Variants in VPS13B observed in about 807,000 individuals in gnomAD.
VPS13B encodes intermembrane lipid transfer protein VPS13B.
A neutral mutation model predicts 426.4 loss-of-function variants in VPS13B; 285 were observed. The ratio of observed to expected loss-of-function variants is 0.67; its 90% CI spans 0.61 to 0.74. The LOEUF (loss-of-function observed/expected upper bound fraction) is 0.74, where lower values mean the gene tolerates loss of function less well. Among genes scored for constraint, VPS13B ranks in the 30% least tolerant of loss-of-function variants. The probability of loss-of-function intolerance (pLI) is 0.00; values close to 1 mark genes in which losing one functional copy is unlikely to be tolerated. For synonymous variants in VPS13B, 1,676 were observed against 1,676.4 expected, an observed-to-expected ratio of 1.00 and a Z score of 0.01; for missense variants, 4,537 against 4,782.6, an observed-to-expected ratio of 0.95 and a Z score of 1.51.
At chr8:99,286,189 T>G (rs1819433812) in intron 19 of VPS13B, among the ~76,000 whole-genome samples, 1 of 152,218 alleles carries the variant, frequency 6.6e-6, no homozygotes, top group Admixed American at 6.5e-5. Flanking sequence ...ATGATAGGTA[T>G]TCAGTAAATG....
At chr8:99,163,331 C>G (rs1004445662) in intron 15 of VPS13B, among the ~76,000 whole-genome samples, 3 of 152,250 alleles carry the variant, frequency 2.0e-5, no homozygotes, top group African/African-American at 7.2e-5. Context: ...GCCCAGCTGG[C>G]TTCACCTAGT....
chr8:99,289,032 T>TGAATGAATGAATGA (rs1819585857), intron 19 of VPS13B, among the ~76,000 whole-genome samples: 1 of 146,654 alleles, frequency 6.8e-6, no homozygotes, highest in Non-Finnish European at 1.5e-5. Flanking sequence ...CCCCTGCCTC[T>TGAATGAATGAATGA]ATGAATGAAT....
intron 35 of VPS13B, among the ~76,000 whole-genome samples, chr8:99,685,048 G>A (rs539325449): frequency 6.6e-5 from 10 of 152,164 alleles, no homozygotes; most frequent in South Asian, 2.1e-4. Flanking sequence ...TGATCCACCC[G>A]CCTTGGCCTA....
At chr8:99,587,920 G>C (rs1413573092) in intron 33 of VPS13B, among the ~76,000 whole-genome samples, 2 of 151,764 alleles carry the variant, frequency 1.3e-5, no homozygotes, top group Non-Finnish European at 2.9e-5. Flanking sequence ...GAATGGTAAT[G>C]CCTAGGTTTT....
At chr8:99,561,864 G>A (rs1052156930) in intron 31 of VPS13B, among the ~76,000 whole-genome samples, 3 of 152,128 alleles carry the variant, frequency 2.0e-5, no homozygotes, top group Admixed American at 6.5e-5. Flanking sequence ...TTTGGCTACT[G>A]TGAATAATGT....
At position 99,662,496 on chromosome 8, in the gene VPS13B, A is replaced by C. The variant is rs559750792; in HGVS notation, c.6046+1005A>C. 5.3e-5 allele frequency among the ~76,000 whole-genome samples: 8 copies of C among 152,028 alleles called. No individual in the cohort carries two copies. The South Asian group carries it at 8.3e-4, about 16-fold the overall frequency. ...CCATCTTGCTCTGTTACCCAAGCCA[A>C]AGTACAGTCGTGCAATCATAGCTCC... is the stretch of plus-strand genomic sequence containing the variant. On this transcript the variant is annotated intron_variant, in intron 35 of 61. Coordinates refer to ENST00000357162, the MANE Select transcript of VPS13B (RefSeq NM_152564.5).
At chr8:99,272,523 A>C (rs909509971) in intron 17 of VPS13B, among the ~76,000 whole-genome samples, 7 of 152,158 alleles carry the variant, frequency 4.6e-5, no homozygotes, top group African/African-American at 1.7e-4. Flanking sequence ...TGTCATTATC[A>C]TCATCATCAT....
intron 21 of VPS13B, among the ~76,000 whole-genome samples, chr8:99,393,691 A>G (rs1269137475): frequency 6.6e-6 from 1 of 152,106 alleles, no homozygotes; most frequent in Non-Finnish European, 1.5e-5. Flanking sequence ...GCAGTCACCA[A>G]AGGTAAAAGG....
At chr8:99,835,851 G>A in intron 54 of VPS13B, 113 bp downstream of exon 54, 1 of 1,080,504 alleles carries the variant, frequency 9.3e-7, no homozygotes, top group South Asian at 1.4e-5. Context: ...TCTTTTCTCT[G>A]TGTGAGAGAA....
At position 99,591,024 on chromosome 8, in the gene VPS13B, G is replaced by A. The variant is rs192515100; in HGVS notation, c.5220+13391G>A. Among the ~76,000 whole-genome samples, 1,014 of 152,110 alleles carry A rather than the reference G, an allele frequency of 6.7e-3. 9 individuals carry two copies. Among genetic ancestry groups the A allele is most frequent in the African/African-American group, 0.023 (956 of 41,514 alleles). On this transcript the variant is annotated intron_variant, in intron 33 of 61. Coordinates refer to ENST00000357162, the MANE Select transcript of VPS13B (RefSeq NM_152564.5). ...GCTTTATGAATCTGGGTGCTCATGTGTTGGGTGTATATATATTTAGTATAG... is the reference window on the plus strand; with the variant it reads ...GCTTTATGAATCTGGGTGCTCATGTATTGGGTGTATATATATTTAGTATAG...
intron 19 of VPS13B, among the ~76,000 whole-genome samples, chr8:99,351,744 G>T (rs1183170173): frequency 6.6e-6 from 1 of 152,006 alleles, no homozygotes; most frequent in African/African-American, 2.4e-5. Flanking sequence ...GATATCATGT[G>T]TACTTGTTTA....
At chr8:99,780,276 AAAAC>A (rs1250605774) in intron 42 of VPS13B, among the ~76,000 whole-genome samples, 1 of 152,192 alleles carries the variant, frequency 6.6e-6, no homozygotes, top group Non-Finnish European at 1.5e-5. Flanking sequence ...CATTTAATAA[AAAAC>A]AAACCTAGAA....
At chr8:99,775,853 G>A (rs943212874) in intron 40 of VPS13B, among the ~76,000 whole-genome samples, 8 of 152,112 alleles carry the variant, frequency 5.3e-5, no homozygotes, top group African/African-American at 1.9e-4. Context: ...AGCCAAGGTT[G>A]TGCCACGCTG....
At chr8:99,465,403 A>G (rs894064310) in intron 23 of VPS13B, among the ~76,000 whole-genome samples, 2 of 150,470 alleles carry the variant, frequency 1.3e-5, no homozygotes, top group African/African-American at 4.9e-5. Context: ...GTACCTTGAA[A>G]GGTTTTTTTT....
chr8:99,694,077 C>G (rs1310454439), intron 35 of VPS13B, among the ~76,000 whole-genome samples: 1 of 93,110 alleles, frequency 1.1e-5, no homozygotes, highest in Non-Finnish European at 2.2e-5. Context: ...ACATTCCATG[C>G]TCATGGGTAG....
intron 24 of VPS13B, among the ~76,000 whole-genome samples, chr8:99,473,305 A>G (rs1331321731): frequency 6.6e-6 from 1 of 152,106 alleles, no homozygotes; most frequent in East Asian, 1.9e-4. Flanking sequence ...CATAATATAT[A>G]TATTATACGT....
At chr8:99,338,985 C>G (rs1298063657) in intron 19 of VPS13B, among the ~76,000 whole-genome samples, 1 of 152,032 alleles carries the variant, frequency 6.6e-6, no homozygotes, top group African/African-American at 2.4e-5. Context: ...TTTTAATTTC[C>G]TCATGATGAT....
At position 99,877,438 on chromosome 8, in the gene VPS13B, A is replaced by G. The variant is rs1817743597; in HGVS notation, c.*1772A>G. 1 of 152,668 alleles carries G rather than the reference A, an allele frequency of 6.6e-6. No individual in the cohort carries two copies. Among genetic ancestry groups the G allele is most frequent in the Non-Finnish European group, 1.5e-5 (1 of 68,046 alleles). The allele number at this position is 152,668 out of a possible 1,614,324, so 9.5% of individuals were successfully genotyped here. The stretch of plus-strand genomic sequence containing the variant: ...GGTGTCCTTGAATTACTGACCACCC[A>G]TAGATGTCTACTGTTACCAGGTTTT... On this transcript the variant is annotated 3_prime_UTR_variant, in exon 62 of 62. Coordinates refer to ENST00000357162, the MANE Select transcript of VPS13B (RefSeq NM_152564.5).
chr8:99,350,110 A>G (rs1399078357), intron 19 of VPS13B, among the ~76,000 whole-genome samples: 1 of 152,142 alleles, frequency 6.6e-6, no homozygotes, highest in Non-Finnish European at 1.5e-5. Context: ...GATATGAAGG[A>G]ATTCGTGTAG....
Sources: allele counts gnomAD v4.1 joint callset (sites outside exome capture counted in the v4.1 genomes callset), GRCh38; gene constraint gnomAD v4.1.1; transcripts MANE v1.5; gene names NCBI Gene and HGNC (gene_info 2026-07-23, HGNC 2026-07-21).